Variants in POLR1B observed in about 807,000 individuals in gnomAD.
POLR1B encodes the protein RNA polymerase I subunit B.
A neutral mutation model predicts 105.8 loss-of-function variants in POLR1B; 30 were observed. That is an observed-to-expected ratio of 0.28 (90% CI 0.21 to 0.38). POLR1B has a LOEUF of 0.38. Ranked by LOEUF, POLR1B falls within the 10% of genes least tolerant of loss-of-function variation. The pLI is 1.00. For synonymous variants in POLR1B, 485 were observed against 505.1 expected (o/e 0.96, Z 0.53); for missense variants, 976 against 1,435.8 (o/e 0.68, Z 5.17).
rs148110667 is a variant in POLR1B at position 112,557,978 on chromosome 2, T to C, written c.1227T>C (p.Val409=). 2.0e-4 allele frequency: 281 copies of C among 1,418,332 alleles called. 2 individuals carry two copies. In the East Asian group the frequency reaches 7.4e-3, roughly 37 times the overall value. The allele number at this position is 1,418,332 out of a possible 1,614,324, so 87.9% of individuals were successfully genotyped here. A position where few individuals can be genotyped will look rare whatever the true frequency, so the allele number is the denominator to read the frequency against. ...AFDKKAQKTS[V]SMNTDNLMRI... ...ATAAGAAGGCTCAGAAGACCAGTGT[T>C]TCCATGAACACTGACAATTTGATGA... The change falls in exon 8 of 15, where the codon GTT becomes GTC. Residue 409 remains valine (V), a synonymous_variant. Transcript: ENST00000263331.
intron 9 of POLR1B, among the ~76,000 whole-genome samples, chr2:112,562,213 G>A (rs1285692190): frequency 6.6e-6 from 1 of 152,078 alleles, no homozygotes; most frequent in Non-Finnish European, 1.5e-5. Context: ...TTAATTTTGT[G>A]GTTACAGAGA....
rs573935772 is a variant in POLR1B, at chr2:112,550,623, C to A, written c.626-243C>A. On this transcript the variant is annotated intron_variant, in intron 4 of 14. Transcript: ENST00000263331. Reference sequence around the variant, plus strand: ...ATGTGGACTCTGTCCTGGAGGGAAACTTTGAAGTTTGCTTAAATTCATAGT... The same window carrying A: ...ATGTGGACTCTGTCCTGGAGGGAAAATTTGAAGTTTGCTTAAATTCATAGT... The A allele has an allele frequency of 1.1e-5, 6 of 522,930 alleles. No homozygotes were observed. In the South Asian group the frequency reaches 1.2e-4, roughly 10 times the overall value. The allele number at this position is 522,930 out of a possible 1,614,324, so 32.4% of individuals were successfully genotyped here.
chr2:112,551,346 T>C (rs1292035399), intron 5 of POLR1B, among the ~76,000 whole-genome samples: 1 of 152,194 alleles, frequency 6.6e-6, no homozygotes, highest in Non-Finnish European at 1.5e-5. Context: ...GGTCTCCTCA[T>C]GGGGTTGCTC....
At chr2:112,546,280 A>G (rs1219409928) in intron 1 of POLR1B, among the ~76,000 whole-genome samples, 3 of 152,188 alleles carry the variant, frequency 2.0e-5, no homozygotes, top group Non-Finnish European at 4.4e-5. Flanking sequence ...GCCATTGTAC[A>G]TTAAGCATCT....
At chr2:112,551,733 T>A in intron 5 of POLR1B, 42 bp from the exon 6 acceptor site, 1 of 1,463,148 alleles carries the variant, frequency 6.8e-7, no homozygotes. Context: ...TAAAGTATTT[T>A]AGTTATTAGT....
intron 9 of POLR1B, among the ~76,000 whole-genome samples, chr2:112,562,716 T>A (rs916489157): frequency 1.4e-5 from 2 of 138,786 alleles, no homozygotes; most frequent in Non-Finnish European, 3.1e-5. Context: ...CTTGTGACAA[T>A]TTCTTTTTTT....
intron 12 of POLR1B, among the ~76,000 whole-genome samples, chr2:112,571,858 G>T (rs961391282): frequency 6.6e-6 from 1 of 152,132 alleles, no homozygotes; most frequent in Non-Finnish European, 1.5e-5. Flanking sequence ...TTTTGTCCAA[G>T]TAAAAATTCT....
chr2:112,548,433 G>A (rs1278099618), intron 3 of POLR1B, among the ~76,000 whole-genome samples: 1 of 152,134 alleles, frequency 6.6e-6, no homozygotes, highest in Non-Finnish European at 1.5e-5. Flanking sequence ...TTTCATAGTA[G>A]GCAATTCGTA....
At chr2:112,560,166 G>A (rs894562181) in intron 9 of POLR1B, among the ~76,000 whole-genome samples, 1 of 152,034 alleles carries the variant, frequency 6.6e-6, no homozygotes, top group African/African-American at 2.4e-5. Flanking sequence ...CTTGAGCCCA[G>A]GGATTTGAGG....
rs573309253 is a variant in POLR1B, at chr2:112,563,766, A to G, written c.1613-600A>G. Among the ~76,000 whole-genome samples, 3 of 152,148 alleles carry G rather than the reference A, an allele frequency of 2.0e-5. No homozygotes were observed. The East Asian group carries it at 5.8e-4, about 29-fold the overall frequency. ...AAAATTTAAAAATTAGCCAAGCATG[A>G]TGGCACGCACCTGTCAGCTACTCGG... On this transcript the variant is annotated intron_variant, in intron 9 of 14. Transcript: ENST00000263331.
At position 112,557,921 on chromosome 2, in the gene POLR1B, A is replaced by G. The variant is rs1683752664; in HGVS notation, c.1170A>G (p.Glu390=). 2.3e-6 allele frequency: 3 copies of G among 1,327,364 alleles called. No homozygotes were observed. The highest frequency in any genetic ancestry group is 3.2e-5 in the Admixed American group (1 of 31,530). 82.2% of individuals were successfully genotyped at this position (1,327,364 alleles called of 1,614,324 possible). A position where few individuals can be genotyped will look rare whatever the true frequency, so the allele number is the denominator to read the frequency against. The change falls in exon 8 of 15, where the codon GAA becomes GAG. Residue 390 remains glutamate (E), a synonymous_variant. Coordinates refer to ENST00000263331, the MANE Select transcript of POLR1B (RefSeq NM_019014.6). Reference sequence around the variant, plus strand: ...TTTCCTTATTTCAGGAAAAACTGGAAGGTTGGTTAGTGTCTATTAAAATAG... The same window carrying G: ...TTTCCTTATTTCAGGAAAAACTGGAGGGTTGGTTAGTGTCTATTAAAATAG... ...LFLMFLKEKL[E]GWLVSIKIAF...
chr2:112,542,944 A>T (rs1356140414), intron 1 of POLR1B, among the ~76,000 whole-genome samples: 1 of 152,178 alleles, frequency 6.6e-6, no homozygotes, highest in African/African-American at 2.4e-5. Context: ...AGAGTGAGGA[A>T]GTGGCTTATC....
rs2104587157 is a variant in POLR1B, at chr2:112,576,617, TG to T, written c.*890del. On this transcript the variant is annotated 3_prime_UTR_variant, in exon 15 of 15. Coordinates refer to ENST00000263331, the MANE Select transcript of POLR1B (RefSeq NM_019014.6). ...GATCATGCAATATTTGTCCTGTGAC[TG>T]GCTTATTTCACTTAGCATAGTGAAA... 1 of 152,342 alleles carries T rather than the reference TG, an allele frequency of 6.6e-6. No homozygotes were observed. Among genetic ancestry groups the T allele is most frequent in the South Asian group, 2.1e-4 (1 of 4,832 alleles). 9.4% of individuals were successfully genotyped at this position (152,342 alleles called of 1,614,324 possible).
intron 1 of POLR1B, among the ~76,000 whole-genome samples, chr2:112,545,085 T>G (rs1178825135): frequency 6.6e-6 from 1 of 152,172 alleles, no homozygotes; most frequent in African/African-American, 2.4e-5. Flanking sequence ...AGTGCCGTGT[T>G]TTGTGCTTTT....
At chr2:112,560,879 A>C (rs1365927454) in intron 9 of POLR1B, among the ~76,000 whole-genome samples, 1 of 152,166 alleles carries the variant, frequency 6.6e-6, no homozygotes, top group Non-Finnish European at 1.5e-5. Flanking sequence ...CAACATGGTG[A>C]AACCCCATCT....
At chr2:112,552,419 C>T (rs1683420565) in intron 6 of POLR1B, among the ~76,000 whole-genome samples, 1 of 152,194 alleles carries the variant, frequency 6.6e-6, no homozygotes, top group Non-Finnish European at 1.5e-5. Flanking sequence ...TATATAACCA[C>T]TGTATAATTA....
chr2:112,569,977 T>G (rs1684508760), intron 12 of POLR1B, among the ~76,000 whole-genome samples: 1 of 152,134 alleles, frequency 6.6e-6, no homozygotes, highest in Admixed American at 6.6e-5. Flanking sequence ...TTCATATATT[T>G]AAACCTTTTG....
chr2:112,568,794 A>G lies in POLR1B; in HGVS notation c.1966A>G (p.Thr656Ala). 6.2e-7 allele frequency: 1 copy of G among 1,614,136 alleles called. No homozygotes were observed. Among genetic ancestry groups the G allele is most frequent in the Non-Finnish European group, 8.5e-7 (1 of 1,179,976 alleles). Residue 656 changes from threonine to alanine, a missense_variant, in exon 12 of 15, where the codon ACC becomes GCC. Physicochemically the swap from Thr to Ala is moderately conservative, Grantham distance 58. This residue lies in a region of POLR1B where 184 missense variants were observed against 197.4 expected (regional missense o/e 0.93). Coordinates refer to ENST00000263331, the MANE Select transcript of POLR1B (RefSeq NM_019014.6). ...TGAGGATGAAGTTTTTGCTGGAGTT[A>G]CCACACACCAGGAACTCTTTCCACA... Reference protein sequence around the residue: ...IFEDEVFAGVTTHQELFPHSL... With the variant: ...IFEDEVFAGVATHQELFPHSL...
rs1684833204 is a variant in POLR1B, at chr2:112,575,754, G to A, written c.*25G>A. The A allele has an allele frequency of 6.3e-7, 1 of 1,590,864 alleles. No individual in the cohort carries two copies. Among genetic ancestry groups the A allele is most frequent in the South Asian group, 1.1e-5 (1 of 89,380 alleles). ...ACTTGATGTTGACCTTTTGGATTAA[G>A]AGGACTATCAGATTAAAGCAAAATG... is the stretch of plus-strand genomic sequence containing the variant. On this transcript the variant is annotated 3_prime_UTR_variant, in exon 15 of 15. Transcript: ENST00000263331. The surrounding 1 kb of genome is among the most constrained non-coding windows in gnomAD (Gnocchi z 5.3).
Sources: gnomAD v4.1 joint callset for allele counts (sites outside exome capture counted in the v4.1 genomes callset) on GRCh38, gnomAD v4.1.1 for gene constraint, gnomAD v4.1.1 regional missense constraint, Gnocchi (gnomAD v3.1) non-coding constraint, MANE v1.5 for transcripts, NCBI Gene and HGNC (gene_info 2026-07-23, HGNC 2026-07-21) for gene names.